The following CEP350 variants were observed in gnomAD, a reference collection of about 807,000 sequenced individuals.
CEP350 encodes centrosomal protein 350.
A neutral mutation model predicts 331.8 loss-of-function variants in CEP350; 126 were observed. The observed-to-expected ratio is 0.38, with a 90% CI of 0.33 to 0.44. The LOEUF (loss-of-function observed/expected upper bound fraction) is 0.44. CEP350 is among the 20% of genes least tolerant of loss of function. The pLI is 1.00. For synonymous variants in CEP350, 1,200 were observed against 1,259.5 expected, an observed-to-expected ratio of 0.95 and a Z score of 1.00; for missense variants, 3,406 against 3,634.6, an observed-to-expected ratio of 0.94 and a Z score of 1.62.
In CEP350 at chr1:180,084,032, C is replaced by A; in HGVS notation, c.6139C>A (p.Gln2047Lys). 4 of 1,561,378 alleles carry A rather than the reference C, an allele frequency of 2.6e-6. No homozygotes were observed. Among genetic ancestry groups the A allele is most frequent in the Non-Finnish European group, 3.5e-6 (4 of 1,150,304 alleles). The change falls in exon 31 of 38, where the codon CAG becomes AAG. Residue 2047 changes from glutamine (Q) to lysine (K), a missense_variant. Coordinates refer to ENST00000367607, the MANE Select transcript of CEP350 (RefSeq NM_014810.5). ...ATCTCTTTCAGAAACTACATCTGAC[C>A]AGAGTGATATTGAAGGTAGGATCAG... ...SMTQSETTSD[Q>K]SDIEGRIRAL... is the part of the protein sequence containing the mutation.
At position 180,098,938 on chromosome 1, in the gene CEP350, A is replaced by G. The variant is rs1164840328; in HGVS notation, c.9142A>G (p.Met3048Val). The change falls in exon 37 of 38, where the codon ATG becomes GTG. Residue 3048 changes from methionine to valine, a missense_variant. Physicochemically the swap from Met to Val is conservative, Grantham distance 21. This residue lies in a region of CEP350 where 1,415 missense variants were observed against 1,512.3 expected (regional missense o/e 0.94). Transcript: ENST00000367607. Reference sequence around the variant, plus strand: ...AAACCACAAAACAGATTGGCAGAAAATGATGAAATTTGGAAGAAAGAAAAG... The same window carrying G: ...AAACCACAAAACAGATTGGCAGAAAGTGATGAAATTTGGAAGAAAGAAAAG... ...EPNHKTDWQK[M>V]MKFGRKKRDR... is the part of the protein sequence containing the mutation. The G allele has an allele frequency of 3.1e-6, 5 of 1,613,600 alleles. No individual in the cohort carries two copies. Among genetic ancestry groups the G allele is most frequent in the Admixed American group, 3.3e-5 (2 of 59,992 alleles).
intron 30 of CEP350, 64 bp from the exon 31 acceptor site, chr1:180,083,954 A>T (rs1006749808): frequency 4.0e-6 from 3 of 742,092 alleles, no homozygotes; most frequent in African/African-American, 3.6e-5. Flanking sequence ...TTTTATTAGT[A>T]GTTACTGAGT....
At chr1:180,027,664 C>T (rs1353397246) in intron 14 of CEP350, among the ~76,000 whole-genome samples, 1 of 152,140 alleles carries the variant, frequency 6.6e-6, no homozygotes, top group Admixed American at 6.5e-5. Context: ...GGATTATAGG[C>T]GTGAGCCACT....
intron 1 of CEP350, among the ~76,000 whole-genome samples, chr1:179,966,755 T>A (rs1651044463): frequency 6.6e-6 from 1 of 152,150 alleles, no homozygotes; most frequent in Admixed American, 6.5e-5. Context: ...CCAATTTCTG[T>A]TGTAACTTCC....
chr1:180,031,817 T>C (rs1202852061), intron 15 of CEP350, among the ~76,000 whole-genome samples: 1 of 152,132 alleles, frequency 6.6e-6, no homozygotes, highest in Non-Finnish European at 1.5e-5. Context: ...ACTAAGCAGC[T>C]ACCCTGCTTA....
At chr1:179,984,957 G>A (rs1571817682) in intron 1 of CEP350, among the ~76,000 whole-genome samples, 2 of 152,202 alleles carry the variant, frequency 1.3e-5, no homozygotes, top group Admixed American at 1.3e-4. Flanking sequence ...TTCCCTTTGA[G>A]TTGTGATATG....
chr1:180,015,222 A>G (rs1328558770), intron 10 of CEP350, among the ~76,000 whole-genome samples: 7 of 145,102 alleles, frequency 4.8e-5, no homozygotes, highest in South Asian at 4.2e-4. Context: ...TTATTTATTT[A>G]TTTATTTATT....
In CEP350 at chr1:180,025,198, C is replaced by T. The variant is rs139243446; in HGVS notation, c.3550+616C>T. On this transcript the variant is annotated intron_variant, in intron 14 of 37. Transcript: ENST00000367607. ...CTTGGCCTCCCAAAGTGCTGGGACA[C>T]ATGACTTTATTTTAAAAACAAATGT... is the stretch of plus-strand genomic sequence containing the variant. Among the ~76,000 whole-genome samples, 933 of 152,170 alleles carry T rather than the reference C, an allele frequency of 6.1e-3. 7 individuals are homozygous for T. The highest frequency in any genetic ancestry group is 8.4e-3 in the Non-Finnish European group (571 of 68,000).
Position 180,110,978 on chromosome 1 carries a change from A to G in CEP350, c.9190-19A>G, listed in dbSNP as rs370330590. 9 of 1,608,140 alleles carry G rather than the reference A, an allele frequency of 5.6e-6. No homozygotes were observed. The highest frequency in any genetic ancestry group is 1.7e-4 in the Middle Eastern group (1 of 6,058). On this transcript the variant is annotated intron_variant, in intron 37 of 37. Coordinates refer to ENST00000367607, the MANE Select transcript of CEP350 (RefSeq NM_014810.5). ...TGTATGACAGGAATTTTCTAACCTT[A>G]TTGTCTTCTAAATCCTAGGTTCAGG...
intron 28 of CEP350, among the ~76,000 whole-genome samples, chr1:180,078,024 T>C (rs888503103): frequency 1.3e-5 from 2 of 151,804 alleles, no homozygotes; most frequent in African/African-American, 4.8e-5. Context: ...TCCCAGCTAC[T>C]TGGGAGGCTG....
chr1:180,090,199 TGTCATCTAGTGACAAAGGCAAG>T (rs2149119019), intron 32 of CEP350, among the ~76,000 whole-genome samples: 1 of 152,274 alleles, frequency 6.6e-6, no homozygotes, highest in Non-Finnish European at 1.5e-5. Context: ...CCTCTGTTTT[TGTCATCTAGTGACAAAGGCAAG>T]GTCATCTAGT....
chr1:180,055,909 T>C (rs1657810013), intron 25 of CEP350, among the ~76,000 whole-genome samples: 1 of 152,128 alleles, frequency 6.6e-6, no homozygotes, highest in African/African-American at 2.4e-5. Context: ...TTAAAATAAA[T>C]TAAAATTTTT....
intron 1 of CEP350, among the ~76,000 whole-genome samples, chr1:179,974,057 T>G (rs1371934024): frequency 6.8e-6 from 1 of 146,744 alleles, no homozygotes; most frequent in Non-Finnish European, 1.5e-5. Flanking sequence ...TTTTTTTTTG[T>G]TGTTGTTGCT....
At chr1:179,963,381 C>T (rs190612239) in intron 1 of CEP350, among the ~76,000 whole-genome samples, 5 of 152,058 alleles carry the variant, frequency 3.3e-5, no homozygotes, top group East Asian at 1.9e-4. Context: ...AAATTCTTTG[C>T]CTAGGCCCAT....
chr1:179,958,972 C>G (rs1650377649), intron 1 of CEP350, among the ~76,000 whole-genome samples: 1 of 151,970 alleles, frequency 6.6e-6, no homozygotes, highest in East Asian at 1.9e-4. Context: ...TTCTTTTTTA[C>G]TTTAGACATT....
intron 9 of CEP350, among the ~76,000 whole-genome samples, chr1:180,012,573 A>T (rs1054793399): frequency 1.3e-5 from 2 of 152,190 alleles, no homozygotes; most frequent in African/African-American, 4.8e-5. Context: ...TTTTTCTCCT[A>T]TCAAAGTTTC....
chr1:180,092,678 A>C lies in CEP350; in HGVS notation c.6573A>C (p.Arg2191Ser), dbSNP rs777135283. The C allele has an allele frequency of 3.7e-6, 6 of 1,613,122 alleles. No homozygotes were observed. The East Asian group carries it at 1.3e-4, about 36-fold the overall frequency. The change falls in exon 34 of 38, where the codon AGA (arginine) becomes AGC (serine). Residue 2191 changes from arginine to serine, a missense_variant. Arg to Ser is a moderately radical substitution (Grantham distance 110, BLOSUM62 -1). This residue lies in a region of CEP350 where 1,415 missense variants were observed against 1,512.3 expected (regional missense o/e 0.94). Coordinates refer to ENST00000367607, the MANE Select transcript of CEP350 (RefSeq NM_014810.5). The part of the protein sequence containing the change: ...SERSLSAYAK[R>S]VNEWDSRTED... The stretch of plus-strand genomic sequence containing the variant: ...GGTCTTTATCTGCATATGCAAAGAG[A>C]GTAAATGAATGGGACAGTCGAACAG...
chr1:179,975,915 A>G (rs185913790), intron 1 of CEP350, among the ~76,000 whole-genome samples: 3 of 152,288 alleles, frequency 2.0e-5, no homozygotes, highest in East Asian at 3.9e-4. Context: ...GGCCCAGGAA[A>G]AAGCCTTGGA....
chr1:180,077,282 T>C (rs751634718), intron 28 of CEP350, among the ~76,000 whole-genome samples: 1 of 151,896 alleles, frequency 6.6e-6, no homozygotes, highest in African/African-American at 2.4e-5. Flanking sequence ...AAACAATATA[T>C]AATAGAAACA....
Sources: gnomAD v4.1 joint callset for allele counts (sites outside exome capture counted in the v4.1 genomes callset) on GRCh38, gnomAD v4.1.1 for gene constraint, gnomAD v4.1.1 regional missense constraint, MANE v1.5 for transcripts, NCBI Gene and HGNC (gene_info 2026-07-23, HGNC 2026-07-21) for gene names.